PHLPP1: variants seen among roughly 807,000 people sequenced by gnomAD.
The protein encoded by PHLPP1 is PH domain leucine-rich repeat-containing protein phosphatase 1.
In PHLPP1, 42 loss-of-function variants were observed where a neutral mutation model predicts 117.2. The observed-to-expected ratio is 0.36, with a 90% CI of 0.28 to 0.46. PHLPP1 has a LOEUF of 0.46. Ranked by LOEUF, PHLPP1 falls within the 20% of genes least tolerant of loss-of-function variation. The probability of loss-of-function intolerance (pLI) is 1.00; values close to 1 mark genes in which losing one functional copy is unlikely to be tolerated. For missense variants in PHLPP1, 2,084 were observed against 2,241.9 expected (o/e 0.93, Z 1.42); for synonymous variants, 1,042 against 970.7 (o/e 1.07, Z -1.37).
chr18:62,803,252 C>G (rs994816470), intron 1 of PHLPP1, among the ~76,000 whole-genome samples: 1 of 152,050 alleles, frequency 6.6e-6, no homozygotes, highest in Non-Finnish European at 1.5e-5. Flanking sequence ...TAAGAAAAAT[C>G]AGATCTTTTA....
intron 1 of PHLPP1, among the ~76,000 whole-genome samples, chr18:62,766,928 G>A (rs534189222): frequency 1.3e-5 from 2 of 152,246 alleles, no homozygotes; most frequent in South Asian, 2.1e-4. Flanking sequence ...GTCTACAGAT[G>A]TATAGATTTA....
In PHLPP1 at chr18:62,979,199, C is replaced by T; in HGVS notation, c.4922C>T (p.Thr1641Ile). ...ERSHNVIEVATDAPLRKPGGY... is the reference protein window; with the variant it reads ...ERSHNVIEVAIDAPLRKPGGY... Reference sequence around the variant, plus strand: ...AGCCACAATGTGATAGAGGTGGCTACAGACGCACCTCTTCGAAAGCCTGGA... The same window carrying T: ...AGCCACAATGTGATAGAGGTGGCTATAGACGCACCTCTTCGAAAGCCTGGA... Residue 1641 changes from threonine (T) to isoleucine (I), a missense_variant, in exon 17 of 17, where the codon ACA (threonine) becomes ATA (isoleucine). Physicochemically the swap from Thr to Ile is moderately conservative, Grantham distance 89. Coordinates refer to ENST00000262719, the MANE Select transcript of PHLPP1 (RefSeq NM_194449.4). The T allele has an allele frequency of 1.2e-6, 2 of 1,612,942 alleles. No individual in the cohort carries two copies. Among genetic ancestry groups the T allele is most frequent in the Non-Finnish European group, 1.7e-6 (2 of 1,179,384 alleles).
rs1910740631 is a variant in PHLPP1 at position 62,716,491 on chromosome 18, C to G, written c.808C>G (p.Arg270Gly). The part of the protein sequence containing the change: ...PAEPPPEAGP[R>G]LAPPEPRDSE... ...TGAACCGCCCCCCGAGGCCGGCCCCCGGCTGGCGCCCCCGGAGCCGCGGGA... is the reference window on the plus strand; with the variant it reads ...TGAACCGCCCCCCGAGGCCGGCCCCGGGCTGGCGCCCCCGGAGCCGCGGGA... Residue 270 changes from arginine (R) to glycine (G), a missense_variant, in exon 1 of 17, where the codon CGG becomes GGG. Coordinates refer to ENST00000262719, the MANE Select transcript of PHLPP1 (RefSeq NM_194449.4). This position sits in a 1 kb window ranked among gnomAD's most constrained non-coding sequence, Gnocchi z 5.7. 8.3e-7 allele frequency: 1 copy of G among 1,211,600 alleles called. No homozygotes were observed. Among genetic ancestry groups the G allele is most frequent in the Non-Finnish European group, 1.0e-6 (1 of 976,802 alleles). The allele number at this position is 1,211,600 out of a possible 1,614,324, so 75.1% of individuals were successfully genotyped here.
chr18:62,886,230 C>T (rs1916286157), intron 4 of PHLPP1, among the ~76,000 whole-genome samples: 1 of 152,218 alleles, frequency 6.6e-6, no homozygotes, highest in African/African-American at 2.4e-5. Context: ...CTTTGACCTT[C>T]TGCCACTTGA....
At position 62,914,771 on chromosome 18, in the gene PHLPP1, C is replaced by T. The variant is rs189889755; in HGVS notation, c.2709-142C>T. On this transcript the variant is annotated intron_variant, in intron 8 of 16. Transcript: ENST00000262719. Reference sequence around the variant, plus strand: ...AATTCATCTTGCTTCTAGAGAAAAGCGAATCCACACATTCTTTCGATTTAT... The same window carrying T: ...AATTCATCTTGCTTCTAGAGAAAAGTGAATCCACACATTCTTTCGATTTAT... 1.2e-3 allele frequency: 735 copies of T among 615,240 alleles called. 1 individual carries two copies. The highest frequency in any genetic ancestry group is 4.9e-3 in the Middle Eastern group (14 of 2,842). The allele number at this position is 615,240 out of a possible 1,614,324, so 38.1% of individuals were successfully genotyped here. A position where few individuals can be genotyped will look rare whatever the true frequency, so the allele number is the denominator to read the frequency against.
intron 10 of PHLPP1, among the ~76,000 whole-genome samples, chr18:62,921,212 A>T (rs1210171200): frequency 6.6e-6 from 1 of 152,182 alleles, no homozygotes; most frequent in Non-Finnish European, 1.5e-5. Flanking sequence ...ATTTTTAGGG[A>T]GTGACCATTA....
chr18:62,867,878 C>G (rs1915805812), intron 4 of PHLPP1, among the ~76,000 whole-genome samples: 1 of 151,856 alleles, frequency 6.6e-6, no homozygotes, highest in Non-Finnish European at 1.5e-5. Context: ...GTGGGGCGAT[C>G]TCGGCTCACT....
intron 1 of PHLPP1, among the ~76,000 whole-genome samples, chr18:62,776,519 CTT>C (rs1912960546): frequency 6.6e-6 from 1 of 151,956 alleles, no homozygotes; most frequent in African/African-American, 2.4e-5. Context: ...ATCACTTACT[CTT>C]TTTGCATCTG....
intron 1 of PHLPP1, among the ~76,000 whole-genome samples, chr18:62,780,422 G>T (rs1047747942): frequency 9.9e-5 from 15 of 152,190 alleles, no homozygotes; most frequent in Non-Finnish European, 2.2e-4. Flanking sequence ...TTCTTTGGAA[G>T]TCATTTGAGA....
intron 11 of PHLPP1, among the ~76,000 whole-genome samples, chr18:62,944,153 T>G (rs1487255710): frequency 6.6e-6 from 1 of 152,206 alleles, no homozygotes; most frequent in Admixed American, 6.5e-5. Flanking sequence ...AAACTATTAT[T>G]CAGCTTATGA....
At chr18:62,765,300 G>A (rs1482011925) in intron 1 of PHLPP1, among the ~76,000 whole-genome samples, 1 of 152,112 alleles carries the variant, frequency 6.6e-6, no homozygotes, top group African/African-American at 2.4e-5. Flanking sequence ...TCTCATTACT[G>A]TCAGAGTTCT....
intron 3 of PHLPP1, among the ~76,000 whole-genome samples, chr18:62,844,587 A>G (rs1199592033): frequency 6.6e-6 from 1 of 152,206 alleles, no homozygotes; most frequent in Admixed American, 6.5e-5. Flanking sequence ...ATTATTACAA[A>G]GCAAACCCCA....
intron 11 of PHLPP1, among the ~76,000 whole-genome samples, chr18:62,944,123 G>C (rs1386788685): frequency 6.6e-6 from 1 of 151,946 alleles, no homozygotes. Flanking sequence ...ATAACAGGTA[G>C]AAACAATACC....
At position 62,966,715 on chromosome 18, in the gene PHLPP1, C is replaced by T. The variant is rs191542760; in HGVS notation, c.3560+3243C>T. Among the ~76,000 whole-genome samples, 1,413 of 152,200 alleles carry T rather than the reference C, an allele frequency of 9.3e-3. 9 individuals are homozygous for T. The highest frequency in any genetic ancestry group is 0.014 in the Middle Eastern group (4 of 294). On this transcript the variant is annotated intron_variant, in intron 14 of 16. Coordinates refer to ENST00000262719, the MANE Select transcript of PHLPP1 (RefSeq NM_194449.4). ...CGATCTCCTGACCTCATGATCCGCC[C>T]GCCTCGGCCTCCCAAAGTGCTGGGA... is the stretch of plus-strand genomic sequence containing the variant.
intron 3 of PHLPP1, among the ~76,000 whole-genome samples, chr18:62,855,622 A>G (rs1915474993): frequency 6.6e-6 from 1 of 152,206 alleles, no homozygotes; most frequent in Admixed American, 6.5e-5. Context: ...CTAGTTCTAC[A>G]TAGCTCACAC....
At chr18:62,951,729 A>G (rs1164457456) in intron 12 of PHLPP1, among the ~76,000 whole-genome samples, 1 of 151,920 alleles carries the variant, frequency 6.6e-6, no homozygotes, top group African/African-American at 2.4e-5. Flanking sequence ...ATCTGAGTAA[A>G]ACTAAAGCCC....
chr18:62,757,756 C>G lies in PHLPP1; in HGVS notation c.1576+40497C>G, dbSNP rs541189623. ...TTGGTGCTTGCTTACCTTGGGCCACCCTTGTGCTGTTTTCCAGTTTTGCAG... is the reference window on the plus strand; with the variant it reads ...TTGGTGCTTGCTTACCTTGGGCCACGCTTGTGCTGTTTTCCAGTTTTGCAG... On this transcript the variant is annotated intron_variant, in intron 1 of 16. Coordinates refer to ENST00000262719, the MANE Select transcript of PHLPP1 (RefSeq NM_194449.4). Among the ~76,000 whole-genome samples the G allele has an allele frequency of 6.0e-4, 92 of 152,316 alleles. 1 individual carries two copies. In the South Asian group the frequency reaches 0.018, roughly 30 times the overall value.
At chr18:62,761,309 C>T (rs1599030954) in intron 1 of PHLPP1, among the ~76,000 whole-genome samples, 2 of 152,060 alleles carry the variant, frequency 1.3e-5, no homozygotes, top group East Asian at 3.9e-4. Context: ...GTTCTCTAAG[C>T]AAGGTGTTAA....
Position 62,963,473 on chromosome 18 carries a change from G to GT in PHLPP1, c.3560+2dup, listed in dbSNP as rs1285897601. On this transcript the variant is annotated splice_donor_variant, in intron 14 of 16. Transcript: ENST00000262719. LOFTEE classifies it high-confidence loss of function. ...CTGAAGCTTCGGGGGTAAAAAACAA[G>GT]TAAGTCAGATGAAACTTTAGAGGAA... 1 of 1,600,146 alleles carries GT rather than the reference G, an allele frequency of 6.2e-7. No homozygotes were observed. Among genetic ancestry groups the GT allele is most frequent in the East Asian group, 2.2e-5 (1 of 44,768 alleles).
Sources: allele counts gnomAD v4.1 joint callset (sites outside exome capture counted in the v4.1 genomes callset), GRCh38; gene constraint gnomAD v4.1.1; non-coding constraint Gnocchi (gnomAD v3.1); transcripts MANE v1.5; gene names NCBI Gene and HGNC (gene_info 2026-07-23, HGNC 2026-07-21).